The following MMD variants were observed in gnomAD, a reference collection of about 807,000 sequenced individuals.
MMD encodes the protein monocyte to macrophage differentiation associated.
In MMD, 22 loss-of-function variants were observed where a neutral mutation model predicts 33.6. That is an observed-to-expected ratio of 0.66 (90% confidence interval 0.47 to 0.94). MMD has a LOEUF of 0.94. MMD is among the 40% of genes least tolerant of loss of function. The probability of loss-of-function intolerance (pLI) is 0.00; values close to 1 mark genes in which losing one functional copy is unlikely to be tolerated. For synonymous variants in MMD, 97 were observed against 103.2 expected (o/e 0.94, Z 0.36); for missense variants, 242 against 309.8 (o/e 0.78, Z 1.64).
At chr17:55,401,983 GGCGTGAACCCGAAT>G (rs1907350501) in intron 5 of MMD, among the ~76,000 whole-genome samples, 1 of 35,958 alleles carries the variant, frequency 2.8e-5, no homozygotes, top group East Asian at 5.3e-4. Context: ...GCAGGAGAAT[GGCGTGAACCCGAAT>G]GGCGTGAACC....
chr17:55,396,157 A>T (rs973949923), intron 6 of MMD, among the ~76,000 whole-genome samples: 3 of 152,212 alleles, frequency 2.0e-5, no homozygotes, highest in Non-Finnish European at 4.4e-5. Context: ...CAACTTTCAA[A>T]GACCTAGAAC....
Position 55,394,425 on chromosome 17 carries a change from T to C in MMD, c.626A>G (p.His209Arg). ...GIIPFAHAIW[H>R]LFVATAAAVH... ...TGCAGCTGCCGTGGCCACAAACAGG[T>C]GCCAGATGGCGTGGGCAAATGGAAT... Residue 209 changes from histidine to arginine, a missense_variant, in exon 7 of 7, where the codon CAC (histidine) becomes CGC (arginine). Physicochemically the swap from His to Arg is conservative, Grantham distance 29 (BLOSUM62 0). Coordinates refer to ENST00000262065, the MANE Select transcript of MMD (RefSeq NM_012329.3). The C allele has an allele frequency of 6.6e-7, 1 of 1,518,308 alleles. No homozygotes were observed. The highest frequency in any genetic ancestry group is 8.8e-7 in the Non-Finnish European group (1 of 1,138,448). The allele number at this position is 1,518,308 out of a possible 1,614,324, so 94.1% of individuals were successfully genotyped here. A position where few individuals can be genotyped will look rare whatever the true frequency, so the allele number is the denominator to read the frequency against.
intron 1 of MMD, among the ~76,000 whole-genome samples, chr17:55,419,710 A>G (rs1031700177): frequency 6.6e-6 from 1 of 152,220 alleles, no homozygotes; most frequent in Non-Finnish European, 1.5e-5. Context: ...GATGCTTAGA[A>G]CTATGTTTCC....
intron 1 of MMD, 80 bp from the exon 2 acceptor site, chr17:55,414,312 G>A (rs1273102122): frequency 7.6e-7 from 1 of 1,310,460 alleles, no homozygotes; most frequent in Non-Finnish European, 1.1e-6. Flanking sequence ...GTGGGTATGT[G>A]GTCTATTCTA....
intron 1 of MMD, chr17:55,420,216 T>C (rs574103279): frequency 5.9e-5 from 9 of 152,314 alleles, no homozygotes; most frequent in Admixed American, 6.5e-5. Context: ...CACAGACGTG[T>C]AGAGAAGTAA....
At chr17:55,395,912 CAGGGACTCCCAAAT>C (rs1298465740) in intron 6 of MMD, among the ~76,000 whole-genome samples, 1 of 152,196 alleles carries the variant, frequency 6.6e-6, no homozygotes, top group Non-Finnish European at 1.5e-5. Context: ...CAAAGGGGCA[CAGGGACTCCCAAAT>C]AGTAAGAGTC....
rs1907006136 is a variant in MMD, at chr17:55,393,853, T to G, written c.*481A>C. 2.0e-5 allele frequency: 3 copies of G among 152,646 alleles called. No homozygotes were observed. In the South Asian group the frequency reaches 6.2e-4, roughly 32 times the overall value. 9.5% of individuals were successfully genotyped at this position (152,646 alleles called of 1,614,324 possible). On this transcript the variant is annotated 3_prime_UTR_variant, in exon 7 of 7. Transcript: ENST00000262065. ...TTTAAAAATTTACAAAAAACTAAAG[T>G]TTCTATTTAAAAAAGAACCATGTTA...
rs765835891 is a variant in MMD at position 55,393,597 on chromosome 17, G to A, written c.*737C>T. The A allele has an allele frequency of 2.0e-5, 3 of 152,632 alleles. No individual in the cohort carries two copies. Among genetic ancestry groups the A allele is most frequent in the Non-Finnish European group, 2.9e-5 (2 of 68,042 alleles). The allele number at this position is 152,632 out of a possible 1,614,324, so 9.5% of individuals were successfully genotyped here. On this transcript the variant is annotated 3_prime_UTR_variant, in exon 7 of 7. Transcript: ENST00000262065. ...ATATCAAAATACTTTTCCATCACTG[G>A]TAAACCAAGCTAGGTCAAGTATATG...
chr17:55,407,189 C>T (rs1370153893), intron 4 of MMD, among the ~76,000 whole-genome samples: 2 of 151,678 alleles, frequency 1.3e-5, no homozygotes, highest in Non-Finnish European at 2.9e-5. Context: ...ATTAGCCAGG[C>T]ATGGTAGCAC....
chr17:55,418,768 A>C (rs1451588702), intron 1 of MMD, among the ~76,000 whole-genome samples: 1 of 152,258 alleles, frequency 6.6e-6, no homozygotes, highest in African/African-American at 2.4e-5. Context: ...AAAAGACAAT[A>C]GGTAGCCCTG....
intron 2 of MMD, among the ~76,000 whole-genome samples, chr17:55,412,998 A>G (rs191689591): frequency 1.1e-4 from 17 of 152,248 alleles, no homozygotes; most frequent in African/African-American, 4.1e-4. Context: ...AATTCAAGAT[A>G]CGGTTTAATA....
rs972388571 is a variant in MMD, at chr17:55,421,578, C to T, written c.26+92G>A. On this transcript the variant is annotated intron_variant, in intron 1 of 6. Coordinates refer to ENST00000262065, the MANE Select transcript of MMD (RefSeq NM_012329.3). ...GTGCGGGATCCACCCAGGATGAATC[C>T]AGGTGAGGAGCCGGGAGCCGTGCGC... 22 of 1,547,078 alleles carry T rather than the reference C, an allele frequency of 1.4e-5. No homozygotes were observed. The Admixed American group carries it at 3.9e-4, about 28-fold the overall frequency.
At chr17:55,402,204 C>T (rs1907372710) in intron 5 of MMD, among the ~76,000 whole-genome samples, 1 of 152,026 alleles carries the variant, frequency 6.6e-6, no homozygotes, top group Non-Finnish European at 1.5e-5. Context: ...AGAGTGTCTG[C>T]TTTCATTACC....
rs1907014960 is a variant in MMD at position 55,394,153 on chromosome 17, T to G, written c.*181A>C. 7 of 437,348 alleles carry G rather than the reference T, an allele frequency of 1.6e-5. No homozygotes were observed. Among genetic ancestry groups the G allele is most frequent in the Non-Finnish European group, 2.7e-5 (7 of 256,764 alleles). The allele number at this position is 437,348 out of a possible 1,614,324, so 27.1% of individuals were successfully genotyped here. A position where few individuals can be genotyped will look rare whatever the true frequency, so the allele number is the denominator to read the frequency against. ...TGAATAATTAATTCACTACCTTATTTATTTGCTGTGAGGCAGAAAATTCCA... is the reference window on the plus strand; with the variant it reads ...TGAATAATTAATTCACTACCTTATTGATTTGCTGTGAGGCAGAAAATTCCA... On this transcript the variant is annotated 3_prime_UTR_variant, in exon 7 of 7. Coordinates refer to ENST00000262065, the MANE Select transcript of MMD (RefSeq NM_012329.3).
Position 55,407,776 on chromosome 17 carries a change from TA to T in MMD, c.313del (p.Tyr105IlefsTer12). 6.3e-7 allele frequency: 1 copy of T among 1,599,448 alleles called. No homozygotes were observed. The highest frequency in any genetic ancestry group is 8.5e-7 in the Non-Finnish European group (1 of 1,176,210). ...CFHMCDRMVI[Y>X]FFIAASYAPW... ...AGCATAAGAAGCAGCAATGAAGAAA[TA>T]GATAACCATTCTATCACACATGTGA... On this transcript the variant is annotated frameshift_variant, in exon 4 of 7. Transcript: ENST00000262065. LOFTEE classifies it high-confidence loss of function.
chr17:55,404,644 A>C (rs1268226892), intron 4 of MMD: 1 of 985,250 alleles, frequency 1.0e-6, no homozygotes, highest in Non-Finnish European at 1.2e-6. Context: ...GCCAAGAGAG[A>C]GTATGAGAAG....
intron 6 of MMD, among the ~76,000 whole-genome samples, chr17:55,395,485 C>T (rs548784906): frequency 5.3e-4 from 81 of 152,260 alleles, no homozygotes; most frequent in African/African-American, 1.7e-3. Flanking sequence ...TTGTGTGCCC[C>T]GCAAGAGTAA....
In MMD at chr17:55,392,662, A is replaced by G. The variant is rs1421472715; in HGVS notation, c.*1672T>C. The stretch of plus-strand genomic sequence containing the variant: ...TATTGTAGTATACAGCACAATTTTT[A>G]CATACATATTAGTGGTTTTGACAGT... On this transcript the variant is annotated 3_prime_UTR_variant, in exon 7 of 7. Transcript: ENST00000262065. 6.6e-6 allele frequency: 1 copy of G among 152,664 alleles called. No homozygotes were observed. Among genetic ancestry groups the G allele is most frequent in the Non-Finnish European group, 1.5e-5 (1 of 68,040 alleles). The allele number at this position is 152,664 out of a possible 1,614,324, so 9.5% of individuals were successfully genotyped here.
At chr17:55,404,365 A>AT in intron 4 of MMD, 3 of 712,782 alleles carry the variant, frequency 4.2e-6, no homozygotes, top group Non-Finnish European at 5.2e-6. Flanking sequence ...AAAAAAAAAA[A>AT]GAATTAGTTT....
Sources: gnomAD v4.1 joint callset for allele counts (sites outside exome capture counted in the v4.1 genomes callset) on GRCh38, gnomAD v4.1.1 for gene constraint, MANE v1.5 for transcripts, NCBI Gene and HGNC (gene_info 2026-07-23, HGNC 2026-07-21) for gene names.